POLB: variants seen among roughly 807,000 people sequenced by gnomAD.
POLB encodes the protein DNA polymerase beta.
POLB carries 37 observed loss-of-function variants against 52.7 expected under a neutral mutation model. The observed-to-expected ratio is 0.70, with a 90% confidence interval of 0.54 to 0.92. The LOEUF (loss-of-function observed/expected upper bound fraction) is 0.92, where lower values mean the gene tolerates loss of function less well. POLB is among the 40% of genes least tolerant of loss of function. The pLI, the probability that POLB is intolerant of heterozygous loss-of-function variation, is 0.00. For synonymous variants in POLB, 138 were observed against 131.3 expected (o/e 1.05, Z -0.35); for missense variants, 313 against 400.8 (o/e 0.78, Z 1.87).
intron 11 of POLB, 187 bp from the exon 12 acceptor site, chr8:42,369,084 C>T (rs1824215925): frequency 4.7e-6 from 2 of 425,580 alleles, no homozygotes; most frequent in East Asian, 7.3e-5. Context: ...GTGTAGTTCT[C>T]TAATTATCGT....
At chr8:42,348,797 A>G (rs924501241) in intron 3 of POLB, among the ~76,000 whole-genome samples, 3 of 152,244 alleles carry the variant, frequency 2.0e-5, no homozygotes, top group Admixed American at 1.3e-4. Flanking sequence ...TTTAAATAAG[A>G]TATAATTATT....
intron 9 of POLB, among the ~76,000 whole-genome samples, chr8:42,359,342 T>C (rs981368375): frequency 6.6e-6 from 1 of 151,976 alleles, no homozygotes; most frequent in Non-Finnish European, 1.5e-5. Context: ...CATATCAATA[T>C]ATAGAAAACT....
chr8:42,361,374 G>A lies in POLB; in HGVS notation c.621+9G>A, dbSNP rs1474245297. On this transcript the variant is annotated intron_variant, in intron 10 of 13. Transcript: ENST00000265421. The stretch of plus-strand genomic sequence containing the variant: ...CAGAATCAACCAAACAGGTGCCTCA[G>A]AGTTTATAATCAATGGTGATCAGTC... 6.4e-7 allele frequency: 1 copy of A among 1,573,100 alleles called. No individual in the cohort carries two copies. The highest frequency in any genetic ancestry group is 1.7e-5 in the Admixed American group (1 of 59,992).
chr8:42,369,076 G>A lies in POLB; in HGVS notation c.709-195G>A, dbSNP rs1824215351. 3 of 409,594 alleles carry A rather than the reference G, an allele frequency of 7.3e-6. No homozygotes were observed. The East Asian group carries it at 1.1e-4, about 16-fold the overall frequency. 25.4% of individuals were successfully genotyped at this position (409,594 alleles called of 1,614,324 possible). A position where few individuals can be genotyped will look rare whatever the true frequency, so the allele number is the denominator to read the frequency against. Reference sequence around the variant, plus strand: ...TGAGAATCCTTATTTGCAGTTTTGTGTAGTTCTCTAATTATCGTGAAGTGT... The same window carrying A: ...TGAGAATCCTTATTTGCAGTTTTGTATAGTTCTCTAATTATCGTGAAGTGT... On this transcript the variant is annotated intron_variant, in intron 11 of 13. Coordinates refer to ENST00000265421, the MANE Select transcript of POLB (RefSeq NM_002690.3).
chr8:42,370,642 G>T (rs764288972), intron 13 of POLB, among the ~76,000 whole-genome samples: 1 of 152,076 alleles, frequency 6.6e-6, no homozygotes, highest in Non-Finnish European at 1.5e-5. Context: ...AATTCCTTTG[G>T]CTTGCAGTGG....
At chr8:42,362,259 AAAATAAAAT>A (rs1408668648) in intron 10 of POLB, among the ~76,000 whole-genome samples, 1 of 75,006 alleles carries the variant, frequency 1.3e-5, no homozygotes, top group African/African-American at 3.1e-4. Context: ...ACTCCATCTA[AAAATAAAAT>A]AAAATAAAAT....
intron 11 of POLB, among the ~76,000 whole-genome samples, chr8:42,366,723 C>G (rs541672469): frequency 2.0e-5 from 3 of 152,282 alleles, no homozygotes; most frequent in Non-Finnish European, 4.4e-5. Context: ...GGCTCCATTA[C>G]TAATACTCTG....
chr8:42,369,421 A>G, intron 12 of POLB, 86 bp downstream of exon 12: 1 of 770,792 alleles, frequency 1.3e-6, no homozygotes, highest in Non-Finnish European at 2.2e-6. Context: ...TGGAGTTCAC[A>G]TTCATATCTA....
chr8:42,344,963 T>C lies in POLB; in HGVS notation c.130T>C (p.Ser44Pro). 1 of 1,600,908 alleles carries C rather than the reference T, an allele frequency of 6.2e-7. No homozygotes were observed. ...HKYNAYRKAA[S>P]VIAKYPHKIK... ...CTTCTTTCCTTATAGAAAAGCAGCA[T>C]CTGTTATAGCAAAATACCCACACAA... is the stretch of plus-strand genomic sequence containing the variant. Residue 44 changes from serine to proline, a missense_variant, in exon 3 of 14, where the codon TCT (serine) becomes CCT (proline). Ser to Pro is a moderately conservative substitution (Grantham distance 74). Coordinates refer to ENST00000265421, the MANE Select transcript of POLB (RefSeq NM_002690.3).
At chr8:42,366,301 T>C (rs1824034778) in intron 11 of POLB, among the ~76,000 whole-genome samples, 1 of 152,150 alleles carries the variant, frequency 6.6e-6, no homozygotes, top group African/African-American at 2.4e-5. Flanking sequence ...CTTTCAATCA[T>C]ACATCTGGCA....
chr8:42,348,902 A>G (rs868698807), intron 3 of POLB, 114 bp from the exon 4 acceptor site: 1 of 559,542 alleles, frequency 1.8e-6, no homozygotes, highest in South Asian at 2.7e-5. Context: ...CTTTATTTCA[A>G]ACCTTATCAC....
intron 9 of POLB, 107 bp downstream of exon 9, chr8:42,357,499 T>C: frequency 1.5e-6 from 1 of 671,838 alleles, no homozygotes; most frequent in Admixed American, 2.5e-5. Flanking sequence ...CTTCATAGAC[T>C]CACTAAGACC....
intron 5 of POLB, 139 bp from the exon 6 acceptor site, chr8:42,352,380 T>G: frequency 1.5e-6 from 1 of 684,646 alleles, no homozygotes; most frequent in Admixed American, 2.2e-5. Context: ...CGGATACAGT[T>G]GAACATTACC....
Position 42,369,253 on chromosome 8 carries a change from T to G in POLB, c.709-18T>G. On this transcript the variant is annotated intron_variant, in intron 11 of 13. Transcript: ENST00000265421. The stretch of plus-strand genomic sequence containing the variant: ...AGTTTAGAACATCTTTAAACTTGGT[T>G]TAAAATGTTCATTTTAGGGTGTTTG... 1 of 1,494,714 alleles carries G rather than the reference T, an allele frequency of 6.7e-7. No homozygotes were observed. The highest frequency in any genetic ancestry group is 1.7e-5 in the Admixed American group (1 of 58,662). The allele number at this position is 1,494,714 out of a possible 1,614,324, so 92.6% of individuals were successfully genotyped here.
Position 42,371,605 on chromosome 8 carries a change from T to G in POLB, c.956T>G (p.Ile319Ser), listed in dbSNP as rs776417667. Reference protein sequence around the residue: ...EPLPVDSEKDIFDYIQWKYRE... With the variant: ...EPLPVDSEKDSFDYIQWKYRE... Reference sequence around the variant, plus strand: ...CTGCCAGTGGATAGTGAAAAAGACATCTTTGATTACATCCAGTGGAAATAC... The same window carrying G: ...CTGCCAGTGGATAGTGAAAAAGACAGCTTTGATTACATCCAGTGGAAATAC... The change falls in exon 14 of 14, where the codon ATC (isoleucine) becomes AGC (serine). Residue 319 changes from isoleucine (I) to serine (S), a missense_variant. Around this residue, in one of 3 missense-constraint regions of POLB, gnomAD observed 246 missense variants for 297.6 expected, o/e 0.83. Transcript: ENST00000265421. The G allele has an allele frequency of 1.9e-6, 3 of 1,613,384 alleles. No homozygotes were observed. The highest frequency in any genetic ancestry group is 2.5e-6 in the Non-Finnish European group (3 of 1,179,432).
At chr8:42,369,097 A>G in intron 11 of POLB, 174 bp from the exon 12 acceptor site, 1 of 444,652 alleles carries the variant, frequency 2.2e-6, no homozygotes, top group Non-Finnish European at 4.0e-6. Context: ...ATTATCGTGA[A>G]GTGTAATAGA....
chr8:42,344,002 A>C (rs982728087), intron 2 of POLB, among the ~76,000 whole-genome samples: 1 of 151,652 alleles, frequency 6.6e-6, no homozygotes, highest in Non-Finnish European at 1.5e-5. Flanking sequence ...GTGGTGGCGC[A>C]TGCCTGTAAT....
chr8:42,339,297 G>GT, intron 2 of POLB: 1 of 536,792 alleles, frequency 1.9e-6, no homozygotes, highest in Middle Eastern at 4.9e-4. Context: ...AGCCTGATAC[G>GT]TATTTTGTCA....
At chr8:42,347,166 C>T (rs780111036) in intron 3 of POLB, among the ~76,000 whole-genome samples, 15 of 152,024 alleles carry the variant, frequency 9.9e-5, no homozygotes, top group Non-Finnish European at 1.6e-4. Context: ...ATTCCTTTTG[C>T]ATAAGACTGG....
Sources: allele counts gnomAD v4.1 joint callset (sites outside exome capture counted in the v4.1 genomes callset), GRCh38; gene constraint gnomAD v4.1.1; regional missense constraint gnomAD v4.1.1; transcripts MANE v1.5; gene names NCBI Gene and HGNC (gene_info 2026-07-23, HGNC 2026-07-21).